HFM1: variants seen among roughly 807,000 people sequenced by gnomAD.
HFM1 encodes helicase for meiosis 1.
Under a neutral mutation model 192.1 loss-of-function variants are expected in HFM1, and 169 were observed. The ratio of observed to expected loss-of-function variants is 0.88; its 90% CI spans 0.78 to 1.00. HFM1 has a LOEUF of 1.00. Among genes scored for constraint, HFM1 ranks in the 50% least tolerant of loss-of-function variants. The pLI is 0.00. For synonymous variants in HFM1, 525 were observed against 537.8 expected, an observed-to-expected ratio of 0.98 and a Z score of 0.33; for missense variants, 1,661 against 1,668.0, an observed-to-expected ratio of 1.00 and a Z score of 0.07.
chr1:91,360,591 A>G (rs1658363150), intron 13 of HFM1, among the ~76,000 whole-genome samples: 1 of 152,174 alleles, frequency 6.6e-6, no homozygotes, highest in Non-Finnish European at 1.5e-5. Flanking sequence ...CCAGACAATA[A>G]TACTGGAGAC....
chr1:91,404,646 CCAA>C (rs1664691646), intron 1 of HFM1, 149 bp downstream of exon 1: 1 of 277,448 alleles, frequency 3.6e-6, no homozygotes, highest in South Asian at 2.7e-5. Flanking sequence ...CGCCTGGTGA[CCAA>C]CAACTCGCCG....
intron 30 of HFM1, among the ~76,000 whole-genome samples, chr1:91,292,497 G>T (rs1668887697): frequency 6.6e-6 from 1 of 151,154 alleles, no homozygotes; most frequent in African/African-American, 2.4e-5. Flanking sequence ...ACTTACAAGG[G>T]ATGTGAAGGA....
chr1:91,341,562 C>G (rs1253303539), intron 20 of HFM1, among the ~76,000 whole-genome samples: 1 of 152,016 alleles, frequency 6.6e-6, no homozygotes, highest in African/African-American at 2.4e-5. Context: ...CCAAAGCTGG[C>G]AGAGGAATAG....
intron 30 of HFM1, among the ~76,000 whole-genome samples, chr1:91,287,186 G>A (rs1668088302): frequency 2.6e-5 from 4 of 152,330 alleles, no homozygotes; most frequent in Admixed American, 1.3e-4. Context: ...GCCTGCCTCT[G>A]TAGGCTCCAC....
intron 30 of HFM1, among the ~76,000 whole-genome samples, chr1:91,297,795 CA>C (rs1647904041): frequency 6.6e-6 from 1 of 152,194 alleles, no homozygotes; most frequent in African/African-American, 2.4e-5. Context: ...ATCTGTTCGT[CA>C]CCATCATCAA....
At chr1:91,302,390 C>G (rs1188398624) in intron 30 of HFM1, among the ~76,000 whole-genome samples, 7 of 151,966 alleles carry the variant, frequency 4.6e-5, no homozygotes, top group East Asian at 1.9e-4. Flanking sequence ...CCTCAGGGAT[C>G]TAGAACTAGA....
chr1:91,317,262 A>G (rs1440581942), intron 25 of HFM1, among the ~76,000 whole-genome samples: 2 of 152,132 alleles, frequency 1.3e-5, no homozygotes, highest in African/African-American at 4.8e-5. Context: ...TAAAAATACA[A>G]AATTAGCCGG....
At position 91,375,612 on chromosome 1, in the gene HFM1, T is replaced by C; in HGVS notation, c.1511A>G (p.Gln504Arg). The change falls in exon 12 of 39, where the codon CAA (glutamine) becomes CGA (arginine). Residue 504 changes from glutamine (Q) to arginine (R), a missense_variant. Gln to Arg is a conservative substitution (Grantham distance 43, BLOSUM62 1). Coordinates refer to ENST00000370425, the MANE Select transcript of HFM1 (RefSeq NM_001017975.6). ...GGTTAAATCAAACTTAAACTCAGTT[T>C]GGTTACTACTGCAGGGAAATCCAAG... ...VVLGFPCSSN[Q>R]TEFKFDLTLN... The C allele has an allele frequency of 6.2e-7, 1 of 1,613,546 alleles. No individual in the cohort carries two copies. The highest frequency in any genetic ancestry group is 8.5e-7 in the Non-Finnish European group (1 of 1,179,596).
chr1:91,298,038 G>GA (rs1300571986), intron 30 of HFM1, among the ~76,000 whole-genome samples: 4 of 151,776 alleles, frequency 2.6e-5, no homozygotes, highest in Admixed American at 1.3e-4. Context: ...TAAAAACCTT[G>GA]AAAAAAAATT....
At chr1:91,328,977 C>T in intron 20 of HFM1, 1 of 1,612,610 alleles carries the variant, frequency 6.2e-7, no homozygotes, top group Non-Finnish European at 8.5e-7. Context: ...GCCAGTGAAG[C>T]CAAAAAGCTG....
rs148523413 is a variant in HFM1 at position 91,370,036 on chromosome 1, C to A, written c.1685+5322G>T. ...AACACATACACCCTCCCAAGACTAA[C>A]CCAGGAGAAGTTGAATCTCTGAATA... On this transcript the variant is annotated intron_variant, in intron 13 of 38. Transcript: ENST00000370425. Among the ~76,000 whole-genome samples, 223 of 149,612 alleles carry A rather than the reference C, an allele frequency of 1.5e-3. 2 individuals carry two copies. In the East Asian group the frequency reaches 0.024, roughly 16 times the overall value.
chr1:91,283,920 G>C (rs1332206487), intron 30 of HFM1, among the ~76,000 whole-genome samples: 1 of 151,674 alleles, frequency 6.6e-6, no homozygotes. Context: ...TATTTTTTTA[G>C]TATTACTTTC....
intron 13 of HFM1, among the ~76,000 whole-genome samples, chr1:91,366,989 C>G (rs1358779493): frequency 6.6e-6 from 1 of 152,206 alleles, no homozygotes; most frequent in African/African-American, 2.4e-5. Context: ...GGGTCCTACA[C>G]CCACAGAGCC....
chr1:91,346,137 A>C (rs900009318), intron 19 of HFM1, among the ~76,000 whole-genome samples: 1 of 152,188 alleles, frequency 6.6e-6, no homozygotes, highest in Non-Finnish European at 1.5e-5. Flanking sequence ...TCTCTCCTAC[A>C]ATTCCAAAAC....
intron 13 of HFM1, among the ~76,000 whole-genome samples, chr1:91,373,965 TAAAC>T (rs1660586354): frequency 6.6e-6 from 1 of 151,996 alleles, no homozygotes; most frequent in Non-Finnish European, 1.5e-5. Context: ...AAATAACTAT[TAAAC>T]AAAAGGATAT....
chr1:91,369,456 C>T (rs185659891), intron 13 of HFM1, among the ~76,000 whole-genome samples: 17 of 152,114 alleles, frequency 1.1e-4, no homozygotes, highest in Admixed American at 4.6e-4. Flanking sequence ...CACTCAAAAC[C>T]GCTCAACTAC....
intron 13 of HFM1, among the ~76,000 whole-genome samples, chr1:91,373,997 C>T (rs1479430100): frequency 6.6e-6 from 1 of 151,882 alleles, no homozygotes; most frequent in Non-Finnish European, 1.5e-5. Flanking sequence ...ATAGTAAGTG[C>T]TATGAAATCA....
At chr1:91,384,983 T>C (rs1385008927) in intron 6 of HFM1, among the ~76,000 whole-genome samples, 1 of 152,076 alleles carries the variant, frequency 6.6e-6, no homozygotes, top group Non-Finnish European at 1.5e-5. Flanking sequence ...GACCTCGTGA[T>C]CTGCCTGCCT....
intron 6 of HFM1, among the ~76,000 whole-genome samples, chr1:91,384,894 C>T (rs1456153251): frequency 6.6e-6 from 1 of 152,022 alleles, no homozygotes; most frequent in Non-Finnish European, 1.5e-5. Context: ...CAGGTGCACA[C>T]CACCAGGCCC....
Sources: allele counts gnomAD v4.1 joint callset (sites outside exome capture counted in the v4.1 genomes callset), GRCh38; gene constraint gnomAD v4.1.1; transcripts MANE v1.5; gene names NCBI Gene and HGNC (gene_info 2026-07-23, HGNC 2026-07-21).